Variants in PRKCA observed in about 807,000 individuals in gnomAD.
PRKCA encodes protein kinase C alpha type.
Under a neutral mutation model 87.0 loss-of-function variants are expected in PRKCA, and 27 were observed. The observed-to-expected ratio is 0.31, with a 90% CI of 0.23 to 0.43. The LOEUF (loss-of-function observed/expected upper bound fraction) is 0.43, where lower values mean the gene tolerates loss of function less well. Ranked by LOEUF, PRKCA falls within the 20% of genes least tolerant of loss-of-function variation. The pLI, the probability that PRKCA is intolerant of heterozygous loss-of-function variation, is 1.00. For missense variants in PRKCA, 518 were observed against 852.3 expected, an observed-to-expected ratio of 0.61 and a Z score of 4.88; for synonymous variants, 329 against 311.1, an observed-to-expected ratio of 1.06 and a Z score of -0.61.
chr17:66,515,876 TAAAC>T (rs1966952816), intron 3 of PRKCA, among the ~76,000 whole-genome samples: 1 of 152,154 alleles, frequency 6.6e-6, no homozygotes, highest in African/African-American at 2.4e-5. Flanking sequence ...TTGTTTTTCT[TAAAC>T]AAGGCTTTTC....
At chr17:66,606,443 A>G (rs1043044745) in intron 3 of PRKCA, among the ~76,000 whole-genome samples, 1 of 152,222 alleles carries the variant, frequency 6.6e-6, no homozygotes, top group African/African-American at 2.4e-5. Context: ...AGACAGTAAC[A>G]TTAAAGAAGT....
chr17:66,555,966 C>G (rs1241818707), intron 3 of PRKCA, among the ~76,000 whole-genome samples: 1 of 151,994 alleles, frequency 6.6e-6, no homozygotes, highest in South Asian at 2.1e-4. Flanking sequence ...TTTATTTTGT[C>G]AAATGCATTT....
intron 3 of PRKCA, among the ~76,000 whole-genome samples, chr17:66,638,608 G>A (rs1032137959): frequency 6.6e-6 from 1 of 152,054 alleles, no homozygotes; most frequent in Non-Finnish European, 1.5e-5. Context: ...AAATGCTTTG[G>A]GAGGCCAAGG....
rs2077494935 is a variant in PRKCA at position 66,796,170 on chromosome 17, A to G, written c.1854+7191A>G. Among the ~76,000 whole-genome samples the G allele has an allele frequency of 2.0e-5, 3 of 152,204 alleles. No homozygotes were observed. The South Asian group carries it at 6.2e-4, about 32-fold the overall frequency. On this transcript the variant is annotated intron_variant, in intron 16 of 16. Transcript: ENST00000413366. ...CAGTTAAGTGGTAGAGAAGGGCATA[A>G]ATGAAAAGATATCTCCCCAACTACT... is the stretch of plus-strand genomic sequence containing the variant.
intron 2 of PRKCA, among the ~76,000 whole-genome samples, chr17:66,466,825 A>C (rs2143993341): frequency 6.6e-6 from 1 of 152,274 alleles, no homozygotes; most frequent in African/African-American, 2.4e-5. Context: ...GCTGGGGTCA[A>C]AGAAGGGAAG....
intron 8 of PRKCA, among the ~76,000 whole-genome samples, chr17:66,724,195 C>G (rs1048915336): frequency 6.6e-6 from 1 of 151,950 alleles, no homozygotes; most frequent in African/African-American, 2.4e-5. Context: ...ACTTGGGAAG[C>G]TTAGGCAGGA....
chr17:66,694,480 CAAAAAAA>C (rs57941055), intron 8 of PRKCA, among the ~76,000 whole-genome samples: 4 of 35,218 alleles, frequency 1.1e-4, no homozygotes, highest in East Asian at 1.5e-3. Flanking sequence ...GACTCTGTCT[CAAAAAAA>C]AAAAAAAAAA....
chr17:66,632,130 A>G (rs62072362), intron 3 of PRKCA, among the ~76,000 whole-genome samples: 427 of 152,190 alleles, frequency 2.8e-3, no homozygotes, highest in Non-Finnish European at 4.7e-3. Context: ...TTTTCCCCCA[A>G]TGGTGTCTCA....
chr17:66,456,839 G>A (rs1914594690), intron 2 of PRKCA, among the ~76,000 whole-genome samples: 1 of 152,152 alleles, frequency 6.6e-6, no homozygotes, highest in South Asian at 2.1e-4. Flanking sequence ...TACTAGCCTT[G>A]GAGGAACAGC....
At chr17:66,475,976 C>A in intron 2 of PRKCA, among the ~76,000 whole-genome samples, 1 of 152,194 alleles carries the variant, frequency 6.6e-6, no homozygotes, top group East Asian at 1.9e-4. Flanking sequence ...TGCTCACTTG[C>A]AACCTCTGCC....
chr17:66,351,597 G>A (rs773934709), intron 2 of PRKCA, among the ~76,000 whole-genome samples: 4 of 152,188 alleles, frequency 2.6e-5, no homozygotes, highest in Non-Finnish European at 5.9e-5. Flanking sequence ...ATTTTAGTAT[G>A]TGCTGCTAAA....
rs1457420143 is a variant in PRKCA at position 66,805,280 on chromosome 17, A to G, written c.*1243A>G. The G allele has an allele frequency of 3.0e-6, 1 of 335,358 alleles. No individual in the cohort carries two copies. The highest frequency in any genetic ancestry group is 4.2e-6 in the Non-Finnish European group (1 of 235,690). 20.8% of individuals were successfully genotyped at this position (335,358 alleles called of 1,614,324 possible). A position where few individuals can be genotyped will look rare whatever the true frequency, so the allele number is the denominator to read the frequency against. On this transcript the variant is annotated 3_prime_UTR_variant, in exon 17 of 17. Transcript: ENST00000413366. ...CGTTTTGCAAATGCATCATGCAATG[A>G]ATTTTGCATGTTTATAATAAACCTT... is the stretch of plus-strand genomic sequence containing the variant.
intron 8 of PRKCA, among the ~76,000 whole-genome samples, chr17:66,694,480 C>CAAAAAAAAA (rs57941055): frequency 5.7e-5 from 2 of 35,220 alleles, no homozygotes; most frequent in African/African-American, 2.7e-4. Context: ...GACTCTGTCT[C>CAAAAAAAAA]AAAAAAAAAA....
rs1288619916 is a variant in PRKCA, at chr17:66,732,718, G to A, written c.949G>A (p.Val317Ile). The A allele has an allele frequency of 1.2e-6, 2 of 1,614,078 alleles. No individual in the cohort carries two copies. Among genetic ancestry groups the A allele is most frequent in the Admixed American group, 3.3e-5 (2 of 59,996 alleles). Reference sequence around the variant, plus strand: ...CAAACTTGGCCCTGCTGGCAACAAAGTCATCAGTCCCTCTGAAGACAGGAA... The same window carrying A: ...CAAACTTGGCCCTGCTGGCAACAAAATCATCAGTCCCTCTGAAGACAGGAA... ...KAKLGPAGNK[V>I]ISPSEDRKQP... Residue 317 changes from valine (V) to isoleucine (I), a missense_variant, in exon 9 of 17, where the codon GTC (valine) becomes ATC (isoleucine). This residue lies in a region of PRKCA where 300 missense variants were observed against 496.8 expected (regional missense o/e 0.60). Coordinates refer to ENST00000413366, the MANE Select transcript of PRKCA (RefSeq NM_002737.3).
intron 14 of PRKCA, among the ~76,000 whole-genome samples, chr17:66,784,109 T>C (rs1598940944): frequency 6.6e-6 from 1 of 152,122 alleles, no homozygotes; most frequent in East Asian, 1.9e-4. Flanking sequence ...TGTGGTGAGG[T>C]GCCAGTCAGT....
intron 3 of PRKCA, among the ~76,000 whole-genome samples, chr17:66,496,629 C>T (rs1598720680): frequency 6.6e-6 from 1 of 150,886 alleles, no homozygotes; most frequent in African/African-American, 2.4e-5. Flanking sequence ...ATTTCCGTTC[C>T]CTCCCCTCCC....
At chr17:66,456,606 A>G (rs1050360830) in intron 2 of PRKCA, among the ~76,000 whole-genome samples, 3 of 152,200 alleles carry the variant, frequency 2.0e-5, no homozygotes, top group African/African-American at 7.2e-5. Flanking sequence ...GCTGGCTTCC[A>G]ACCACAGGTT....
At chr17:66,309,728 G>A (rs955790768) in intron 2 of PRKCA, among the ~76,000 whole-genome samples, 1 of 151,968 alleles carries the variant, frequency 6.6e-6, no homozygotes, top group Non-Finnish European at 1.5e-5. Context: ...ATGTTTTTTT[G>A]CTTGATGTAC....
rs146667924 is a variant in PRKCA at position 66,418,625 on chromosome 17, C to T, written c.206-77576C>T. The stretch of plus-strand genomic sequence containing the variant: ...CTAATTTTTGTATTTTTAGTAGAGA[C>T]GGGGTTTCACCATATTGGCCAGGGT... On this transcript the variant is annotated intron_variant, in intron 2 of 16. Coordinates refer to ENST00000413366, the MANE Select transcript of PRKCA (RefSeq NM_002737.3). 5.2e-3 allele frequency among the ~76,000 whole-genome samples: 785 copies of T among 151,994 alleles called. 5 individuals carry two copies. The highest frequency in any genetic ancestry group is 0.017 in the African/African-American group (704 of 41,456).
Sources: gnomAD v4.1 joint callset for allele counts (sites outside exome capture counted in the v4.1 genomes callset) on GRCh38, gnomAD v4.1.1 for gene constraint, gnomAD v4.1.1 regional missense constraint, MANE v1.5 for transcripts, NCBI Gene and HGNC (gene_info 2026-07-23, HGNC 2026-07-21) for gene names.